NRXN3: variants seen among roughly 807,000 people sequenced by gnomAD.
NRXN3 encodes the protein neurexin III.
NRXN3 carries 32 observed loss-of-function variants against 137.6 expected under a neutral mutation model. The observed-to-expected ratio is 0.23, with a 90% CI of 0.18 to 0.31. The LOEUF (loss-of-function observed/expected upper bound fraction) is 0.31. Ranked by LOEUF, NRXN3 falls within the 10% of genes least tolerant of loss-of-function variation. NRXN3 has a pLI of 1.00. For synonymous variants in NRXN3, 798 were observed against 784.5 expected, an observed-to-expected ratio of 1.02 and a Z score of -0.29; for missense variants, 1,574 against 2,062.5, an observed-to-expected ratio of 0.76 and a Z score of 4.59.
intron 15 of NRXN3, among the ~76,000 whole-genome samples, chr14:79,225,386 A>G (rs1024858339): frequency 2.6e-5 from 4 of 152,120 alleles, no homozygotes; most frequent in Non-Finnish European, 5.9e-5. Context: ...CCTCATGTGC[A>G]CTTAGCTCAA....
chr14:78,217,979 T>A (rs2063466873), intron 1 of NRXN3, among the ~76,000 whole-genome samples: 1 of 152,256 alleles, frequency 6.6e-6, no homozygotes, highest in Admixed American at 6.5e-5. Flanking sequence ...ATTGTCTTAA[T>A]GTGTATAAAC....
Position 79,692,172 on chromosome 14 carries a change from G to T in NRXN3, c.3617-1G>T. On this transcript the variant is annotated splice_acceptor_variant, in intron 17 of 20. Transcript: ENST00000335750. LOFTEE classifies it high-confidence loss of function. ...TTTAAGCTGTTTTTTAAACTTTAAA[G>T]GCAACACTGATAATGAACGCTTCCA... 1 of 1,601,994 alleles carries T rather than the reference G, an allele frequency of 6.2e-7. No individual in the cohort carries two copies. Among genetic ancestry groups the T allele is most frequent in the Non-Finnish European group, 8.5e-7 (1 of 1,174,670 alleles).
chr14:79,108,738 TAC>T (rs2052927956), intron 15 of NRXN3, among the ~76,000 whole-genome samples: 1 of 152,082 alleles, frequency 6.6e-6, no homozygotes, highest in African/African-American at 2.4e-5. Flanking sequence ...TAACAATACA[TAC>T]ATACTCAAAA....
chr14:79,699,457 G>A lies in NRXN3; in HGVS notation c.4014+1520G>A, dbSNP rs570668276. Among the ~76,000 whole-genome samples, 4 of 152,078 alleles carry A rather than the reference G, an allele frequency of 2.6e-5. No individual in the cohort carries two copies. In the East Asian group the frequency reaches 7.8e-4, roughly 30 times the overall value. On this transcript the variant is annotated intron_variant, in intron 19 of 20. Coordinates refer to ENST00000335750, the MANE Select transcript of NRXN3 (RefSeq NM_001330195.2). ...TTTCTTCATAGGAATGGCTGGTCCT[G>A]TAGTTCTTTTTAAGGCCAAATTTTC... is the stretch of plus-strand genomic sequence containing the variant.
chr14:78,403,789 T>G, intron 4 of NRXN3: 37 of 985,466 alleles, frequency 3.8e-5, no homozygotes, highest in Non-Finnish European at 4.3e-5. Flanking sequence ...GTCCCTCTCT[T>G]CGTTGTTTCT....
At chr14:78,453,094 G>T (rs567778981) in intron 4 of NRXN3, among the ~76,000 whole-genome samples, 1 of 152,160 alleles carries the variant, frequency 6.6e-6, no homozygotes, top group South Asian at 2.1e-4. Context: ...GAGAGGGTGG[G>T]CCAGATGAGG....
At chr14:79,789,284 G>T (rs1449607126) in intron 19 of NRXN3, among the ~76,000 whole-genome samples, 1 of 152,096 alleles carries the variant, frequency 6.6e-6, no homozygotes, top group East Asian at 1.9e-4. Flanking sequence ...AAGTAGGAAT[G>T]AAAACTGGAG....
chr14:78,913,265 TCTTTCTTTC>T (rs1274642821), intron 10 of NRXN3, among the ~76,000 whole-genome samples: 2,654 of 105,146 alleles, frequency 0.025, 91 homozygotes, highest in Non-Finnish European at 0.032. Context: ...TTTCTTTCTT[TCTTTCTTTC>T]TTTTTTTTTT....
intron 2 of NRXN3, among the ~76,000 whole-genome samples, chr14:78,267,764 A>C (rs2072016000): frequency 6.6e-6 from 1 of 152,084 alleles, no homozygotes; most frequent in African/African-American, 2.4e-5. Context: ...TTCTCTGTCA[A>C]CTCTAAATCC....
intron 4 of NRXN3, among the ~76,000 whole-genome samples, chr14:78,532,400 TG>T (rs1339995008): frequency 2.6e-5 from 4 of 151,612 alleles, no homozygotes; most frequent in Admixed American, 6.6e-5. Flanking sequence ...TGTGTGTGTG[TG>T]TGTGTGTGTG....
intron 15 of NRXN3, among the ~76,000 whole-genome samples, chr14:79,288,120 T>C (rs1397604789): frequency 6.6e-6 from 1 of 152,240 alleles, no homozygotes; most frequent in Non-Finnish European, 1.5e-5. Flanking sequence ...TAATAACTTA[T>C]GCCAAAGCCA....
At chr14:79,640,586 T>G (rs1991157) in intron 16 of NRXN3, among the ~76,000 whole-genome samples, 20,284 of 134,884 alleles carry the variant, frequency 0.15, 5,217 homozygotes, top group Middle Eastern at 0.34. Context: ...GCAAAGTCCT[T>G]TATGCAGTAC....
chr14:79,808,258 ATAT>A (rs1568322338), intron 20 of NRXN3, among the ~76,000 whole-genome samples: 1 of 119,062 alleles, frequency 8.4e-6, no homozygotes, highest in African/African-American at 4.8e-5. Context: ...AAAAAAAAAT[ATAT>A]ATATATATAT....
At chr14:78,891,576 T>C (rs983902213) in intron 10 of NRXN3, among the ~76,000 whole-genome samples, 16 of 151,940 alleles carry the variant, frequency 1.1e-4, no homozygotes, top group African/African-American at 3.9e-4. Flanking sequence ...AACTGACAAT[T>C]CAGACAGAGT....
At position 79,285,732 on chromosome 14, in the gene NRXN3, T is replaced by A. The variant is rs868446624; in HGVS notation, c.3263-181489T>A. ...TAAAAGCCTCATTTTAACTTAATCA[T>A]CTCTTTAAAGGCCCTGTCCTCACAT... On this transcript the variant is annotated intron_variant, in intron 15 of 20. Transcript: ENST00000335750. Among the ~76,000 whole-genome samples, 3 of 152,108 alleles carry A rather than the reference T, an allele frequency of 2.0e-5. No homozygotes were observed. In the East Asian group the frequency reaches 5.8e-4, roughly 29 times the overall value.
At chr14:78,476,891 T>C (rs1198658229) in intron 4 of NRXN3, among the ~76,000 whole-genome samples, 1 of 152,234 alleles carries the variant, frequency 6.6e-6, no homozygotes, top group East Asian at 1.9e-4. Context: ...ACACCTTAGA[T>C]GAAATGTTTC....
At chr14:78,505,285 G>A (rs1363076707) in intron 4 of NRXN3, among the ~76,000 whole-genome samples, 1 of 152,160 alleles carries the variant, frequency 6.6e-6, no homozygotes, top group Non-Finnish European at 1.5e-5. Flanking sequence ...ATCCAGACAA[G>A]TGACATAAGC....
chr14:79,065,870 G>A (rs1032597289), intron 15 of NRXN3, among the ~76,000 whole-genome samples: 2 of 152,042 alleles, frequency 1.3e-5, no homozygotes, highest in Admixed American at 1.3e-4. Context: ...CTAGGTAAAC[G>A]TGTGCCATGG....
At chr14:79,400,665 C>G (rs901610533) in intron 15 of NRXN3, among the ~76,000 whole-genome samples, 5 of 152,108 alleles carry the variant, frequency 3.3e-5, no homozygotes, top group Non-Finnish European at 7.3e-5. Context: ...ATATTTGAAG[C>G]CAGGATGGAC....
Sources: allele counts gnomAD v4.1 joint callset (sites outside exome capture counted in the v4.1 genomes callset), GRCh38; gene constraint gnomAD v4.1.1; transcripts MANE v1.5; gene names NCBI Gene and HGNC (gene_info 2026-07-23, HGNC 2026-07-21).